Variants in ADARB1 observed in about 807,000 individuals in gnomAD.
ADARB1 encodes the protein double-stranded RNA-specific editase 1.
ADARB1 carries 10 observed loss-of-function variants against 52.4 expected under a neutral mutation model. That is an observed-to-expected ratio of 0.19 (90% CI 0.12 to 0.32). ADARB1 has a LOEUF of 0.32. Ranked by LOEUF, ADARB1 falls within the 10% of genes least tolerant of loss-of-function variation. The pLI is 1.00. For synonymous variants in ADARB1, 349 were observed against 371.1 expected (o/e 0.94, Z 0.68); for missense variants, 643 against 922.3 (o/e 0.70, Z 3.92).
At chr21:45,166,883 T>C (rs1305261730) in intron 2 of ADARB1, among the ~76,000 whole-genome samples, 3 of 152,212 alleles carry the variant, frequency 2.0e-5, no homozygotes, top group African/African-American at 7.2e-5. Flanking sequence ...ATAAGTCTTT[T>C]TTTTTTTAAT....
chr21:45,086,723 T>G (rs915345400), intron 1 of ADARB1, among the ~76,000 whole-genome samples: 4 of 152,216 alleles, frequency 2.6e-5, no homozygotes, highest in Non-Finnish European at 5.9e-5. Flanking sequence ...GCGATGGACT[T>G]TGGGTTGTTT....
chr21:45,217,881 C>T (rs2146441716), intron 9 of ADARB1, among the ~76,000 whole-genome samples: 1 of 152,304 alleles, frequency 6.6e-6, no homozygotes, highest in East Asian at 1.9e-4. Context: ...ACTTTAAAGA[C>T]ATTGCTTCCC....
intron 1 of ADARB1, among the ~76,000 whole-genome samples, chr21:45,113,824 TAGCTC>T (rs2087683422): frequency 6.6e-6 from 1 of 152,198 alleles, no homozygotes; most frequent in South Asian, 2.1e-4. Flanking sequence ...AGATCAGTTT[TAGCTC>T]AGCTGCTTTC....
chr21:45,158,659 G>A (rs1275293080), intron 2 of ADARB1, among the ~76,000 whole-genome samples: 1 of 152,076 alleles, frequency 6.6e-6, no homozygotes, highest in African/African-American at 2.4e-5. Context: ...AAAGCACCCT[G>A]AGCTGTCCTA....
At position 45,128,047 on chromosome 21, in the gene ADARB1, G is replaced by C. The variant is rs1033054194; in HGVS notation, c.-219-355G>C. 7.2e-5 allele frequency among the ~76,000 whole-genome samples: 11 copies of C among 152,100 alleles called. No individual in the cohort carries two copies. Among genetic ancestry groups the C allele is most frequent in the African/African-American group, 2.7e-4 (11 of 41,416 alleles). ...CACATTCACATGTGTGCATGTGTAGGGGTGTGTGCATATTGAATTGTAAAA... is the reference window on the plus strand; with the variant it reads ...CACATTCACATGTGTGCATGTGTAGCGGTGTGTGCATATTGAATTGTAAAA... On this transcript the variant is annotated intron_variant, in intron 1 of 10. Coordinates refer to ENST00000348831, the MANE Select transcript of ADARB1 (RefSeq NM_001112.4). This position sits in a 1 kb window ranked among gnomAD's most constrained non-coding sequence, Gnocchi z 4.6.
At chr21:45,212,196 GA>G (rs2092782103) in intron 9 of ADARB1, among the ~76,000 whole-genome samples, 1 of 152,168 alleles carries the variant, frequency 6.6e-6, no homozygotes, top group Admixed American at 6.5e-5. Context: ...ATTTGTTTAT[GA>G]AAGATTCAAT....
At chr21:45,163,586 C>A (rs534739683) in intron 2 of ADARB1, among the ~76,000 whole-genome samples, 1 of 151,702 alleles carries the variant, frequency 6.6e-6, no homozygotes, top group Non-Finnish European at 1.5e-5. Context: ...CAAGGCCCCC[C>A]ACTGGGGACG....
intron 1 of ADARB1, among the ~76,000 whole-genome samples, chr21:45,116,445 T>C (rs188496270): frequency 3.3e-5 from 5 of 152,394 alleles, no homozygotes; most frequent in Admixed American, 2.0e-4. Flanking sequence ...AATGCAAAAC[T>C]AGGAAGAGAC....
intron 2 of ADARB1, among the ~76,000 whole-genome samples, chr21:45,140,347 C>T (rs1435632153): frequency 6.6e-6 from 1 of 152,162 alleles, no homozygotes; most frequent in Non-Finnish European, 1.5e-5. Context: ...CCATCAGGGC[C>T]CAGGGCGACC....
At chr21:45,152,328 C>T (rs747937558) in intron 2 of ADARB1, among the ~76,000 whole-genome samples, 4 of 142,094 alleles carry the variant, frequency 2.8e-5, no homozygotes, top group Non-Finnish European at 4.6e-5. Flanking sequence ...CCCCTCTGCT[C>T]GTGGTGTTTT....
chr21:45,110,185 A>G (rs759321817), intron 1 of ADARB1, among the ~76,000 whole-genome samples: 3 of 152,238 alleles, frequency 2.0e-5, no homozygotes, highest in Non-Finnish European at 4.4e-5. Context: ...TTTCCTCTGC[A>G]TAATTTTCTT....
Position 45,222,867 on chromosome 21 carries a change from G to C in ADARB1, c.*670G>C. On this transcript the variant is annotated 3_prime_UTR_variant, in exon 11 of 11. Transcript: ENST00000348831. ...CCTGTCATGCACATGGGGTCCCGCA[G>C]CAGTGACTGTGTGTCCTGCAGAGGC... is the stretch of plus-strand genomic sequence containing the variant. 2.0e-6 allele frequency: 2 copies of C among 985,484 alleles called. No individual in the cohort carries two copies. Among genetic ancestry groups the C allele is most frequent in the Non-Finnish European group, 2.4e-6 (2 of 829,978 alleles). 61.0% of individuals were successfully genotyped at this position (985,484 alleles called of 1,614,324 possible). A position where few individuals can be genotyped will look rare whatever the true frequency, so the allele number is the denominator to read the frequency against.
rs369126668 is a variant in ADARB1, at chr21:45,092,205, C to T, written c.-220+17412C>T. Among the ~76,000 whole-genome samples the T allele has an allele frequency of 7.2e-5, 11 of 152,278 alleles. No individual in the cohort carries two copies. In the South Asian group the frequency reaches 8.3e-4, roughly 12 times the overall value. ...TCGGTTCAGAAGGTGCAGCCTTGCC[C>T]GGAGCTGAGGTCCAGTGCTAGCAGC... On this transcript the variant is annotated intron_variant, in intron 1 of 10. Coordinates refer to ENST00000348831, the MANE Select transcript of ADARB1 (RefSeq NM_001112.4).
At chr21:45,103,380 C>T (rs1383569239) in intron 1 of ADARB1, among the ~76,000 whole-genome samples, 1 of 151,784 alleles carries the variant, frequency 6.6e-6, no homozygotes, top group African/African-American at 2.4e-5. Context: ...TCCATGATTA[C>T]ATTGTAATAT....
chr21:45,101,004 C>CTGGCAG (rs1474809981), intron 1 of ADARB1: 3 of 152,806 alleles, frequency 2.0e-5, no homozygotes, highest in Non-Finnish European at 4.4e-5. Flanking sequence ...AGGAGCAGGA[C>CTGGCAG]TGGCAGCAGC....
chr21:45,134,616 A>G (rs2145862450), intron 2 of ADARB1: 1 of 390,790 alleles, frequency 2.6e-6, no homozygotes, highest in South Asian at 1.9e-5. Context: ...CAGGGTCCAT[A>G]GTACATGAAG....
At chr21:45,201,117 G>A (rs1367590601) in intron 8 of ADARB1, among the ~76,000 whole-genome samples, 1 of 152,212 alleles carries the variant, frequency 6.6e-6, no homozygotes, top group East Asian at 1.9e-4. Flanking sequence ...CAGGACAGGT[G>A]GCTGTGGACA....
chr21:45,090,624 G>C (rs920218599), intron 1 of ADARB1, among the ~76,000 whole-genome samples: 2 of 152,124 alleles, frequency 1.3e-5, no homozygotes, highest in African/African-American at 4.8e-5. Context: ...TGTGCAGCCT[G>C]GTGACTCTCA....
At position 45,176,650 on chromosome 21, in the gene ADARB1, C is replaced by T; in HGVS notation, c.949C>T (p.Leu317=). 2 of 1,608,340 alleles carry T rather than the reference C, an allele frequency of 1.2e-6. No individual in the cohort carries two copies. The highest frequency in any genetic ancestry group is 1.7e-6 in the Non-Finnish European group (2 of 1,177,086). ...GCCTATTCCCAGTGAGGGTCTTCAG[C>T]TGCATTTACCGCAGGTGAGGAACTA... is the stretch of plus-strand genomic sequence containing the variant. ...RQPIPSEGLQ[L]HLPQVLADAV... The change falls in exon 4 of 11, where the codon CTG becomes TTG. Residue 317 remains leucine, a synonymous_variant. Transcript: ENST00000348831. The surrounding 1 kb of genome is among the most constrained non-coding windows in gnomAD (Gnocchi z 5.8).
Sources: allele counts gnomAD v4.1 joint callset (sites outside exome capture counted in the v4.1 genomes callset), GRCh38; gene constraint gnomAD v4.1.1; non-coding constraint Gnocchi (gnomAD v3.1); transcripts MANE v1.5; gene names NCBI Gene and HGNC (gene_info 2026-07-23, HGNC 2026-07-21).